Variants in ZFAND6 observed in about 807,000 individuals in gnomAD.
ZFAND6 encodes AN1-type zinc finger protein 6.
Under a neutral mutation model 24.5 loss-of-function variants are expected in ZFAND6, and 12 were observed. The ratio of observed to expected loss-of-function variants is 0.49; its 90% CI spans 0.31 to 0.79. The LOEUF (loss-of-function observed/expected upper bound fraction) is 0.79, where lower values mean the gene tolerates loss of function less well. ZFAND6 is among the 30% of genes least tolerant of loss of function. The probability of loss-of-function intolerance (pLI) is 0.04; values close to 1 mark genes in which losing one functional copy is unlikely to be tolerated. For missense variants in ZFAND6, 207 were observed against 245.9 expected (o/e 0.84, Z 1.06); for synonymous variants, 92 against 81.5 (o/e 1.13, Z -0.69).
chr15:80,086,936 T>A (rs2038041214), intron 1 of ZFAND6, among the ~76,000 whole-genome samples: 2 of 152,250 alleles, frequency 1.3e-5, no homozygotes, highest in African/African-American at 4.8e-5. Context: ...GTAGTGTGGC[T>A]TATTTAATTT....
chr15:80,096,516 C>CA (rs2038731545), intron 1 of ZFAND6, among the ~76,000 whole-genome samples: 1 of 152,132 alleles, frequency 6.6e-6, no homozygotes, highest in African/African-American at 2.4e-5. Flanking sequence ...TATAGAGAAA[C>CA]ATTTGAGTTA....
At position 80,137,954 on chromosome 15, in the gene ZFAND6, G is replaced by T. The variant is rs930584287; in HGVS notation, c.*326G>T. 5.1e-6 allele frequency: 1 copy of T among 195,386 alleles called. No individual in the cohort carries two copies. The highest frequency in any genetic ancestry group is 1.2e-4 in the South Asian group (1 of 8,634). 12.1% of individuals were successfully genotyped at this position (195,386 alleles called of 1,614,324 possible). ...TATTAAACATGCATGCATTAATCTT[G>T]CAGTTTATTTTCTCATTGTGTATGT... On this transcript the variant is annotated 3_prime_UTR_variant, in exon 7 of 7. Transcript: ENST00000261749.
intron 2 of ZFAND6, among the ~76,000 whole-genome samples, chr15:80,108,727 G>GT (rs1567081145): frequency 2.4e-4 from 23 of 96,570 alleles, no homozygotes; most frequent in Middle Eastern, 5.4e-3. Flanking sequence ...AGGCATCCTT[G>GT]TTTTTTTGTT....
In ZFAND6 at chr15:80,059,731, G is replaced by C. The variant is rs1244564871; in HGVS notation, c.-259G>C. On this transcript the variant is annotated 5_prime_UTR_variant, in exon 1 of 7. Coordinates refer to ENST00000261749, the MANE Select transcript of ZFAND6 (RefSeq NM_019006.4). ...GCGGAGCCGGAGCAAGCAGGGGTTC[G>C]GCGGCATTACCTGTACCCATTCACC... The C allele has an allele frequency of 6.6e-6, 1 of 152,532 alleles. No homozygotes were observed. The highest frequency in any genetic ancestry group is 1.5e-5 in the Non-Finnish European group (1 of 68,390). The allele number at this position is 152,532 out of a possible 1,614,324, so 9.4% of individuals were successfully genotyped here. A position where few individuals can be genotyped will look rare whatever the true frequency, so the allele number is the denominator to read the frequency against.
intron 6 of ZFAND6, among the ~76,000 whole-genome samples, chr15:80,132,681 C>T (rs570183500): frequency 3.2e-4 from 49 of 152,206 alleles, no homozygotes; most frequent in Non-Finnish European, 6.2e-4. Flanking sequence ...TCTTGTGGTT[C>T]TCATGTATTT....
At chr15:80,065,788 A>T (rs2036600356) in intron 1 of ZFAND6, among the ~76,000 whole-genome samples, 1 of 151,438 alleles carries the variant, frequency 6.6e-6, no homozygotes, top group Non-Finnish European at 1.5e-5. Flanking sequence ...CAGGTGATCT[A>T]CCCACCTCGG....
At chr15:80,076,433 G>C (rs144467043) in intron 1 of ZFAND6, among the ~76,000 whole-genome samples, 1 of 151,708 alleles carries the variant, frequency 6.6e-6, no homozygotes, top group African/African-American at 2.4e-5. Context: ...TGATTTCTTA[G>C]ATGACTAAAC....
chr15:80,104,537 A>G (rs900801268), intron 2 of ZFAND6, among the ~76,000 whole-genome samples: 1 of 144,342 alleles, frequency 6.9e-6, no homozygotes, highest in African/African-American at 2.4e-5. Flanking sequence ...CAGTCAGTCA[A>G]TCCATCCATC....
chr15:80,065,442 A>G (rs565782016), intron 1 of ZFAND6, among the ~76,000 whole-genome samples: 2 of 151,474 alleles, frequency 1.3e-5, no homozygotes, highest in East Asian at 3.9e-4. Context: ...TTATTGTTTA[A>G]GTCTCCCCCC....
chr15:80,077,755 A>AGTGGC (rs1192911875), intron 1 of ZFAND6, among the ~76,000 whole-genome samples: 1 of 141,302 alleles, frequency 7.1e-6, no homozygotes, highest in African/African-American at 2.7e-5. Flanking sequence ...GCTGGAGCAC[A>AGTGGC]GTGGCGTGAT....
chr15:80,124,772 A>G (rs899976420), intron 5 of ZFAND6, among the ~76,000 whole-genome samples: 4 of 152,184 alleles, frequency 2.6e-5, no homozygotes, highest in African/African-American at 9.7e-5. Flanking sequence ...ACCTTTAAAA[A>G]ACTTAGCATT....
chr15:80,092,204 A>G (rs1378478191), intron 1 of ZFAND6, among the ~76,000 whole-genome samples: 1 of 151,936 alleles, frequency 6.6e-6, no homozygotes, highest in Non-Finnish European at 1.5e-5. Context: ...AAAAAAATCA[A>G]CTGGCCAGCA....
chr15:80,061,545 T>C (rs1212179035), intron 1 of ZFAND6, among the ~76,000 whole-genome samples: 1 of 152,248 alleles, frequency 6.6e-6, no homozygotes, highest in East Asian at 1.9e-4. Flanking sequence ...CCTTGACTTT[T>C]TGAAAAATAG....
chr15:80,097,719 T>C (rs191557365), intron 1 of ZFAND6, among the ~76,000 whole-genome samples: 63 of 152,358 alleles, frequency 4.1e-4, no homozygotes, highest in African/African-American at 1.5e-3. Flanking sequence ...TATGACTGCC[T>C]ATGTAATACA....
intron 2 of ZFAND6, among the ~76,000 whole-genome samples, chr15:80,100,861 A>C (rs942073085): frequency 2.6e-5 from 4 of 152,198 alleles, no homozygotes; most frequent in Admixed American, 2.6e-4. Flanking sequence ...TGTCCCTTCT[A>C]ACATCTCTGT....
intron 1 of ZFAND6, among the ~76,000 whole-genome samples, chr15:80,088,497 C>T (rs1346128454): frequency 4.6e-5 from 7 of 151,314 alleles, no homozygotes; most frequent in South Asian, 2.2e-4. Flanking sequence ...ACCCGGGAGA[C>T]GGAGGTTGCA....
chr15:80,061,902 C>A (rs940259881), intron 1 of ZFAND6, among the ~76,000 whole-genome samples: 2 of 152,114 alleles, frequency 1.3e-5, no homozygotes, highest in African/African-American at 4.8e-5. Context: ...TTAGGATTCT[C>A]TATTATGTTT....
chr15:80,117,840 A>G (rs999758164), intron 2 of ZFAND6, among the ~76,000 whole-genome samples: 1 of 151,764 alleles, frequency 6.6e-6, no homozygotes, highest in Non-Finnish European at 1.5e-5. Flanking sequence ...GGCTTCATCT[A>G]TTTTTTTCCC....
At chr15:80,067,442 A>G (rs879483890) in intron 1 of ZFAND6, among the ~76,000 whole-genome samples, 1 of 152,068 alleles carries the variant, frequency 6.6e-6, no homozygotes, top group Non-Finnish European at 1.5e-5. Flanking sequence ...TCTTGGCTTC[A>G]TGGGCTCATT....
Sources: gnomAD v4.1 joint callset for allele counts (sites outside exome capture counted in the v4.1 genomes callset) on GRCh38, gnomAD v4.1.1 for gene constraint, MANE v1.5 for transcripts, NCBI Gene and HGNC (gene_info 2026-07-23, HGNC 2026-07-21) for gene names.